Variants in FAM53B observed in about 807,000 individuals in gnomAD.
The protein encoded by FAM53B is family with sequence similarity 53 member B.
FAM53B carries 12 observed loss-of-function variants against 32.7 expected under a neutral mutation model. That is an observed-to-expected ratio of 0.37 (90% CI 0.24 to 0.59). FAM53B has a LOEUF of 0.59. Ranked by LOEUF, FAM53B falls within the 20% of genes least tolerant of loss-of-function variation. The pLI, the probability that FAM53B is intolerant of heterozygous loss-of-function variation, is 0.72. For synonymous variants in FAM53B, 234 were observed against 228.7 expected (o/e 1.02, Z -0.21); for missense variants, 477 against 577.7 (o/e 0.83, Z 1.79).
chr10:124,638,690 T>C (rs1193219240), intron 4 of FAM53B, among the ~76,000 whole-genome samples: 1 of 152,200 alleles, frequency 6.6e-6, no homozygotes, highest in African/African-American at 2.4e-5. Flanking sequence ...ACCCCAGGCA[T>C]GCTGGGGCGG....
At chr10:124,735,449 C>T (rs1339944136) in intron 1 of FAM53B, among the ~76,000 whole-genome samples, 1 of 152,232 alleles carries the variant, frequency 6.6e-6, no homozygotes, top group Non-Finnish European at 1.5e-5. Context: ...GCAAACTAAA[C>T]TGTAATGCAT....
intron 4 of FAM53B, chr10:124,667,140 C>A: frequency 2.0e-6 from 1 of 490,992 alleles, no homozygotes; most frequent in Non-Finnish European, 3.6e-6. Flanking sequence ...CCTGCTGTCA[C>A]CTGACACACC....
intron 4 of FAM53B, among the ~76,000 whole-genome samples, chr10:124,626,068 G>A (rs931296620): frequency 2.0e-5 from 3 of 152,270 alleles, no homozygotes; most frequent in Admixed American, 1.3e-4. Context: ...TGCCTTGGGT[G>A]TCAGCCACAT....
chr10:124,624,262 A>G (rs1949331119), intron 4 of FAM53B, among the ~76,000 whole-genome samples: 1 of 152,226 alleles, frequency 6.6e-6, no homozygotes, highest in East Asian at 1.9e-4. Context: ...GCCGCAGGCT[A>G]GAAGGGGCCG....
At chr10:124,673,898 C>T (rs2134064236) in intron 4 of FAM53B, among the ~76,000 whole-genome samples, 1 of 152,336 alleles carries the variant, frequency 6.6e-6, no homozygotes, top group Admixed American at 6.5e-5. Flanking sequence ...ATGGCTACAC[C>T]TGGGCAGATG....
intron 4 of FAM53B, among the ~76,000 whole-genome samples, chr10:124,675,131 C>A (rs1248305772): frequency 6.6e-6 from 1 of 152,224 alleles, no homozygotes; most frequent in Non-Finnish European, 1.5e-5. Context: ...TGACCTTAAG[C>A]AGATTGCTTG....
At position 124,681,896 on chromosome 10, in the gene FAM53B, T is replaced by C; in HGVS notation, c.617A>G (p.Gln206Arg). The stretch of plus-strand genomic sequence containing the variant: ...GTCAGGGCTCCAGGTGTCACCTGCC[T>C]GTCCACACGGGGCTGAGCCTGGCAC... ...QGVPGSAPCG[Q>R]AGDTWSPDLH... Residue 206 changes from glutamine (Q) to arginine (R), a missense_variant, in exon 4 of 5, where the codon CAG becomes CGG. Coordinates refer to ENST00000337318, the MANE Select transcript of FAM53B (RefSeq NM_014661.4). 6.2e-7 allele frequency: 1 copy of C among 1,613,880 alleles called. No individual in the cohort carries two copies. The highest frequency in any genetic ancestry group is 8.5e-7 in the Non-Finnish European group (1 of 1,179,948).
At position 124,706,697 on chromosome 10, in the gene FAM53B, C is replaced by A; in HGVS notation, c.17G>T (p.Ser6Ile). The change falls in exon 2 of 5, where the codon AGT becomes ATT. Residue 6 changes from serine to isoleucine, a missense_variant. Ser to Ile is a moderately radical substitution (Grantham distance 142). Coordinates refer to ENST00000337318, the MANE Select transcript of FAM53B (RefSeq NM_014661.4). The stretch of plus-strand genomic sequence containing the variant: ...AGCTCCCCGGGTGCTGAGGCTTTCA[C>A]TTAGGACCATCACCATGATAAGGGC... MVMVL[S>I]ESLSTRGADS... 1 of 1,614,210 alleles carries A rather than the reference C, an allele frequency of 6.2e-7. No individual in the cohort carries two copies. The highest frequency in any genetic ancestry group is 8.5e-7 in the Non-Finnish European group (1 of 1,180,026).
At chr10:124,637,701 G>C (rs922688719) in intron 4 of FAM53B, among the ~76,000 whole-genome samples, 5 of 152,168 alleles carry the variant, frequency 3.3e-5, no homozygotes, top group Non-Finnish European at 7.3e-5. Context: ...GTATCTCCAG[G>C]CCAATCTCAC....
rs139871474 is a variant in FAM53B, at chr10:124,623,263, A to G, written c.1248T>C (p.Ile416=). 7,841 of 1,607,360 alleles carry G rather than the reference A, an allele frequency of 4.9e-3. 591 individuals are homozygous for G. In the Admixed American group the frequency reaches 0.12, roughly 25 times the overall value. ...SLCSLDGELD[I]EQIEKN is the part of the protein sequence containing the mutation. ...CCCCTCAGTTCTTCTCTATCTGCTC[A>G]ATGTCCAACTCGCCGTCCAGGGAGC... is the stretch of plus-strand genomic sequence containing the variant. Residue 416 remains isoleucine (I), a synonymous_variant, in exon 5 of 5, where the codon ATT becomes ATC. Transcript: ENST00000337318.
chr10:124,717,575 GAGTCGGAGC>G (rs1245698593), intron 1 of FAM53B, among the ~76,000 whole-genome samples: 1 of 152,266 alleles, frequency 6.6e-6, no homozygotes, highest in Non-Finnish European at 1.5e-5. Flanking sequence ...CCATAAAGCA[GAGTCGGAGC>G]AGGCCACAGG....
At chr10:124,626,390 C>A (rs1006789591) in intron 4 of FAM53B, among the ~76,000 whole-genome samples, 2 of 89,494 alleles carry the variant, frequency 2.2e-5, no homozygotes, top group Non-Finnish European at 4.0e-5. Context: ...AAATTTGTGC[C>A]CCCCCCCCCC....
At chr10:124,639,954 A>G (rs565797305) in intron 4 of FAM53B, among the ~76,000 whole-genome samples, 1 of 151,768 alleles carries the variant, frequency 6.6e-6, no homozygotes, top group Non-Finnish European at 1.5e-5. Flanking sequence ...GTTCAAATCC[A>G]GATCTGTCTG....
At position 124,721,117 on chromosome 10, in the gene FAM53B, G is replaced by A. The variant is rs575873053; in HGVS notation, c.-174-14230C>T. On this transcript the variant is annotated intron_variant, in intron 1 of 4. Transcript: ENST00000337318. ...CTCGGGAGGTTGGGGTGGGAAGATC[G>A]CTTGAGTCCGAGAAGCGGAGGTTGC... is the stretch of plus-strand genomic sequence containing the variant. Among the ~76,000 whole-genome samples, 10 of 152,348 alleles carry A rather than the reference G, an allele frequency of 6.6e-5. No individual in the cohort carries two copies. In the East Asian group the frequency reaches 1.5e-3, roughly 24 times the overall value.
At chr10:124,731,250 G>C (rs1950140567) in intron 1 of FAM53B, among the ~76,000 whole-genome samples, 1 of 152,236 alleles carries the variant, frequency 6.6e-6, no homozygotes, top group Non-Finnish European at 1.5e-5. Flanking sequence ...ATGAAAACGG[G>C]AAAGAACTGG....
At chr10:124,647,088 G>C (rs1291916064) in intron 4 of FAM53B, among the ~76,000 whole-genome samples, 1 of 152,200 alleles carries the variant, frequency 6.6e-6, no homozygotes, top group Non-Finnish European at 1.5e-5. Flanking sequence ...CTGGTGAGCG[G>C]CACACACTGG....
chr10:124,691,409 C>A (rs141793784), intron 3 of FAM53B, among the ~76,000 whole-genome samples: 1 of 152,316 alleles, frequency 6.6e-6, no homozygotes, highest in African/African-American at 2.4e-5. Flanking sequence ...CCTGTATGTT[C>A]TTTGCCTGTG....
At chr10:124,655,618 G>T (rs925576307) in intron 4 of FAM53B, among the ~76,000 whole-genome samples, 1 of 152,104 alleles carries the variant, frequency 6.6e-6, no homozygotes, top group Non-Finnish European at 1.5e-5. Flanking sequence ...GGCAGAGCTG[G>T]GGCTCCTGAC....
intron 4 of FAM53B, among the ~76,000 whole-genome samples, chr10:124,648,531 T>C (rs1949535679): frequency 6.6e-6 from 1 of 152,138 alleles, no homozygotes; most frequent in South Asian, 2.1e-4. Flanking sequence ...GCCTGCCTCA[T>C]AGGAATGCCA....
Sources: gnomAD v4.1 joint callset for allele counts (sites outside exome capture counted in the v4.1 genomes callset) on GRCh38, gnomAD v4.1.1 for gene constraint, MANE v1.5 for transcripts, NCBI Gene and HGNC (gene_info 2026-07-23, HGNC 2026-07-21) for gene names.